Variants in LMNB1 observed in about 807,000 individuals in gnomAD.
LMNB1 encodes the protein lamin B1.
LMNB1 carries 23 observed loss-of-function variants against 67.1 expected under a neutral mutation model. The ratio of observed to expected loss-of-function variants is 0.34; its 90% CI spans 0.25 to 0.49. The LOEUF is 0.49. LMNB1 is among the 20% of genes least tolerant of loss of function. The pLI is 0.99. For missense variants in LMNB1, 634 were observed against 746.5 expected (o/e 0.85, Z 1.76); for synonymous variants, 281 against 282.9 (o/e 0.99, Z 0.07).
chr5:126,816,566 A>G (rs944828526), intron 5 of LMNB1, among the ~76,000 whole-genome samples: 2 of 152,190 alleles, frequency 1.3e-5, no homozygotes, highest in Admixed American at 1.3e-4. Context: ...ACATTGGTAT[A>G]TTACTGTGAA....
chr5:126,784,852 C>T (rs34433938), intron 1 of LMNB1, among the ~76,000 whole-genome samples: 2 of 148,656 alleles, frequency 1.3e-5, no homozygotes, highest in Non-Finnish European at 1.5e-5. Flanking sequence ...TTAGTAGAGG[C>T]TGGGTTTCAC....
chr5:126,798,680 G>A (rs935570675), intron 1 of LMNB1, among the ~76,000 whole-genome samples: 1 of 152,094 alleles, frequency 6.6e-6, no homozygotes, highest in Non-Finnish European at 1.5e-5. Flanking sequence ...TGAAAAAAGA[G>A]AAGTTGTGTG....
chr5:126,810,424 T>C (rs942375497), intron 4 of LMNB1, 74 bp downstream of exon 4: 4 of 1,141,580 alleles, frequency 3.5e-6, no homozygotes, highest in Non-Finnish European at 4.9e-6. Context: ...AACATGGCTT[T>C]ATGTTTATTT....
chr5:126,787,183 T>C (rs1395114831), intron 1 of LMNB1, among the ~76,000 whole-genome samples: 1 of 152,082 alleles, frequency 6.6e-6, no homozygotes, highest in East Asian at 1.9e-4. Context: ...AAGTGCAGTA[T>C]ACTAATAAAA....
At chr5:126,780,340 A>G (rs1177326489) in intron 1 of LMNB1, among the ~76,000 whole-genome samples, 1 of 152,192 alleles carries the variant, frequency 6.6e-6, no homozygotes, top group East Asian at 1.9e-4. Flanking sequence ...GTAAAGAAAG[A>G]TTGTCTTTTG....
Position 126,777,579 on chromosome 5 carries a change from C to G in LMNB1, c.71C>G (p.Pro24Arg). ...GGCGGCCCCACCACGCCGCTGAGCC[C>G]CACGCGCCTGTCGCGGCTCCAGGAG... ...RAGGPTTPLS[P>R]TRLSRLQEKE... The change falls in exon 1 of 11, where the codon CCC (proline) becomes CGC (arginine). Residue 24 changes from proline (P) to arginine (R), a missense_variant. Pro to Arg is a moderately radical substitution (Grantham distance 103). Coordinates refer to ENST00000261366, the MANE Select transcript of LMNB1 (RefSeq NM_005573.4). 6.6e-7 allele frequency: 1 copy of G among 1,523,708 alleles called. No homozygotes were observed. The highest frequency in any genetic ancestry group is 8.8e-7 in the Non-Finnish European group (1 of 1,135,702). 94.4% of individuals were successfully genotyped at this position (1,523,708 alleles called of 1,614,324 possible). A position where few individuals can be genotyped will look rare whatever the true frequency, so the allele number is the denominator to read the frequency against.
At chr5:126,813,183 T>G (rs1751621206) in intron 5 of LMNB1, among the ~76,000 whole-genome samples, 1 of 152,220 alleles carries the variant, frequency 6.6e-6, no homozygotes, top group African/African-American at 2.4e-5. Context: ...ATAAAATAAT[T>G]TAGTTAACAC....
intron 1 of LMNB1, among the ~76,000 whole-genome samples, chr5:126,804,385 C>T (rs1751363528): frequency 1.3e-5 from 2 of 151,828 alleles, no homozygotes; most frequent in Admixed American, 1.3e-4. Flanking sequence ...GCATGATATC[C>T]TGACTTACAG....
intron 1 of LMNB1, among the ~76,000 whole-genome samples, chr5:126,802,755 A>C (rs1192095440): frequency 6.6e-6 from 1 of 152,168 alleles, no homozygotes; most frequent in Non-Finnish European, 1.5e-5. Context: ...TTTTGGTATT[A>C]TTAAGGCTTC....
chr5:126,832,147 A>T (rs982450039), intron 9 of LMNB1, among the ~76,000 whole-genome samples: 1 of 152,142 alleles, frequency 6.6e-6, no homozygotes, highest in Non-Finnish European at 1.5e-5. Flanking sequence ...GCATGCCTGT[A>T]ATCCCAGCTA....
At chr5:126,817,387 G>A (rs1218441362) in intron 5 of LMNB1, among the ~76,000 whole-genome samples, 1 of 152,212 alleles carries the variant, frequency 6.6e-6, no homozygotes, top group Non-Finnish European at 1.5e-5. Context: ...TGGGCACTGA[G>A]TGTGCTCACT....
Position 126,836,432 on chromosome 5 carries a change from A to G in LMNB1, c.*168A>G. ...TTTTTGACACTGAAAGTTTTGTAAA[A>G]GAAATCATGTCCATACACTTTGTTG... is the stretch of plus-strand genomic sequence containing the variant. On this transcript the variant is annotated 3_prime_UTR_variant, in exon 11 of 11. Transcript: ENST00000261366. The G allele has an allele frequency of 1.8e-6, 1 of 560,068 alleles. No individual in the cohort carries two copies. The highest frequency in any genetic ancestry group is 3.2e-6 in the Non-Finnish European group (1 of 313,774). 34.7% of individuals were successfully genotyped at this position (560,068 alleles called of 1,614,324 possible).
At chr5:126,814,802 A>C (rs563436184) in intron 5 of LMNB1, among the ~76,000 whole-genome samples, 11 of 152,102 alleles carry the variant, frequency 7.2e-5, no homozygotes, top group Non-Finnish European at 1.5e-4. Flanking sequence ...GCCTCCCAAA[A>C]TGGAAGGGAT....
chr5:126,818,282 A>C (rs1395996065), intron 5 of LMNB1, among the ~76,000 whole-genome samples: 2 of 138,828 alleles, frequency 1.4e-5, no homozygotes, highest in Non-Finnish European at 3.0e-5. Flanking sequence ...TCTGTTGCCC[A>C]GGTTGGAGTG....
At chr5:126,819,526 G>T (rs1457195658) in intron 6 of LMNB1, among the ~76,000 whole-genome samples, 4 of 151,580 alleles carry the variant, frequency 2.6e-5, no homozygotes, top group Non-Finnish European at 5.9e-5. Context: ...GTCTCAGCCT[G>T]TTGCCCAGGC....
At chr5:126,806,602 A>AAGAG (rs149759920) in intron 3 of LMNB1, among the ~76,000 whole-genome samples, 2 of 150,852 alleles carry the variant, frequency 1.3e-5, no homozygotes, top group East Asian at 1.9e-4. Context: ...AGTGATGAGA[A>AAGAG]AGAGAGAGAG....
At chr5:126,814,695 C>T (rs529485570) in intron 5 of LMNB1, among the ~76,000 whole-genome samples, 2 of 152,136 alleles carry the variant, frequency 1.3e-5, no homozygotes, top group Non-Finnish European at 2.9e-5. Flanking sequence ...CGCGCTACCA[C>T]GCCCAGCTAA....
chr5:126,822,719 G>T (rs748259815), intron 7 of LMNB1, 62 bp from the exon 8 acceptor site: 106 of 991,256 alleles, frequency 1.1e-4, no homozygotes, highest in Non-Finnish European at 5.8e-5. Context: ...TAATTTATTT[G>T]ATTATTCCAC....
At chr5:126,783,501 A>G (rs959250042) in intron 1 of LMNB1, among the ~76,000 whole-genome samples, 2 of 152,174 alleles carry the variant, frequency 1.3e-5, no homozygotes, top group Admixed American at 1.3e-4. Context: ...GGAAGGACCA[A>G]ACCCCTAAAA....
Sources: gnomAD v4.1 joint callset for allele counts (sites outside exome capture counted in the v4.1 genomes callset) on GRCh38, gnomAD v4.1.1 for gene constraint, MANE v1.5 for transcripts, NCBI Gene and HGNC (gene_info 2026-07-23, HGNC 2026-07-21) for gene names.